Variants in NYAP2 observed in about 807,000 individuals in gnomAD.
NYAP2 encodes neuronal tyrosine-phosphorylated phosphoinositide-3-kinase adapter 2.
NYAP2 carries 23 observed loss-of-function variants against 50.4 expected under a neutral mutation model. The observed-to-expected ratio is 0.46, with a 90% CI of 0.33 to 0.65. The LOEUF is 0.65. Among genes scored for constraint, NYAP2 ranks in the 30% least tolerant of loss-of-function variants. The pLI is 0.02. For missense variants in NYAP2, 885 were observed against 861.0 expected, an observed-to-expected ratio of 1.03 and a Z score of -0.35; for synonymous variants, 394 against 365.2, an observed-to-expected ratio of 1.08 and a Z score of -0.90.
At chr2:225,679,596 G>C in the NYAP2 span, among the ~76,000 whole-genome samples, 1 of 140,848 alleles carries the variant, frequency 7.1e-6, no homozygotes, top group Non-Finnish European at 1.5e-5. Context: ...CCTGGTTCAA[G>C]CTATTCTCCT....
At chr2:225,502,886 C>G (rs1690631816) in intron 3 of NYAP2, among the ~76,000 whole-genome samples, 1 of 152,160 alleles carries the variant, frequency 6.6e-6, no homozygotes, top group Non-Finnish European at 1.5e-5. Flanking sequence ...CTGTTCTGTT[C>G]ACTGCCTGAC....
rs182891966 is a variant in NYAP2, at chr2:225,594,068, C to A, written c.1618+11033C>A. 5.3e-3 allele frequency among the ~76,000 whole-genome samples: 800 copies of A among 152,224 alleles called. 3 individuals carry two copies. Among genetic ancestry groups the A allele is most frequent in the Non-Finnish European group, 7.3e-3 (494 of 68,022 alleles). ...GGACCATTTTGTAAGGTCAAATCAT[C>A]ATCGGTTTCGGTACAAATGAATGAG... On this transcript the variant is annotated intron_variant, in intron 5 of 6. Transcript: ENST00000636099.
At chr2:225,663,930 C>T in the NYAP2 span, among the ~76,000 whole-genome samples, 39 of 152,228 alleles carry the variant, frequency 2.6e-4, 1 homozygote, top group South Asian at 8.1e-3. Flanking sequence ...AACACCCTCC[C>T]TAGTCCTTGA....
At chr2:225,511,572 C>A (rs1690819173) in intron 3 of NYAP2, among the ~76,000 whole-genome samples, 1 of 151,974 alleles carries the variant, frequency 6.6e-6, no homozygotes, top group Non-Finnish European at 1.5e-5. Context: ...GTCTGAGTAT[C>A]AGTTGAAAAT....
At chr2:225,579,035 C>T (rs553399613) in intron 4 of NYAP2, among the ~76,000 whole-genome samples, 17 of 152,046 alleles carry the variant, frequency 1.1e-4, no homozygotes, top group Admixed American at 8.5e-4. Context: ...TGCACGTGCA[C>T]GCACACACAC....
intron 4 of NYAP2, among the ~76,000 whole-genome samples, chr2:225,514,473 G>T (rs146127696): frequency 5.3e-4 from 81 of 152,266 alleles, no homozygotes; most frequent in African/African-American, 1.9e-3. Flanking sequence ...AGTTCTGGAG[G>T]CTGGAAGCCT....
At chr2:225,451,860 C>A (rs141313856) in intron 3 of NYAP2, among the ~76,000 whole-genome samples, 328 of 152,248 alleles carry the variant, frequency 2.2e-3, no homozygotes, top group African/African-American at 7.2e-3. Flanking sequence ...TCTTGAATTG[C>A]TTTATATTAA....
chr2:225,532,977 C>T (rs540410080), intron 4 of NYAP2, among the ~76,000 whole-genome samples: 1 of 152,166 alleles, frequency 6.6e-6, no homozygotes. Context: ...AGATTCTCTC[C>T]CTTAAAAGTC....
chr2:225,687,951 C>T, the NYAP2 span, among the ~76,000 whole-genome samples: 1 of 152,052 alleles, frequency 6.6e-6, no homozygotes, highest in African/African-American at 2.4e-5. Context: ...CACTAGGAAG[C>T]CTAATAAAAC....
intron 3 of NYAP2, among the ~76,000 whole-genome samples, chr2:225,492,239 A>G (rs1420062621): frequency 6.6e-6 from 1 of 152,228 alleles, no homozygotes; most frequent in Non-Finnish European, 1.5e-5. Flanking sequence ...TAACACTGTT[A>G]TAACCAAGCC....
At chr2:225,503,819 T>G (rs1014862080) in intron 3 of NYAP2, among the ~76,000 whole-genome samples, 3 of 152,198 alleles carry the variant, frequency 2.0e-5, no homozygotes, top group Admixed American at 2.0e-4. Context: ...TTCAATAGAT[T>G]TGTGCAACTC....
At chr2:225,572,796 G>A (rs73089058) in intron 4 of NYAP2, among the ~76,000 whole-genome samples, 1,726 of 152,272 alleles carry the variant, frequency 0.011, 44 homozygotes, top group African/African-American at 0.04. Flanking sequence ...GTCCACAACA[G>A]AGATCTGACA....
At chr2:225,561,693 G>A (rs1691876915) in intron 4 of NYAP2, among the ~76,000 whole-genome samples, 1 of 152,046 alleles carries the variant, frequency 6.6e-6, no homozygotes, top group African/African-American at 2.4e-5. Context: ...AGAGGCTTTA[G>A]CTGGAGCCCA....
intron 6 of NYAP2, among the ~76,000 whole-genome samples, chr2:225,628,696 A>T (rs770635358): frequency 6.6e-6 from 1 of 152,176 alleles, no homozygotes; most frequent in Non-Finnish European, 1.5e-5. Flanking sequence ...ATTGAGTCTT[A>T]TGATTAGTTT....
At chr2:225,511,794 A>T (rs1690823093) in intron 3 of NYAP2, among the ~76,000 whole-genome samples, 1 of 152,196 alleles carries the variant, frequency 6.6e-6, no homozygotes, top group South Asian at 2.1e-4. Context: ...ATCATAACAA[A>T]CATTGTAACG....
At chr2:225,689,824 A>G in the NYAP2 span, among the ~76,000 whole-genome samples, 17 of 152,138 alleles carry the variant, frequency 1.1e-4, no homozygotes, top group Non-Finnish European at 1.8e-4. Context: ...AGAGGTGCAT[A>G]TTATTTCAAA....
At chr2:225,513,087 T>C (rs192953132) in intron 3 of NYAP2, among the ~76,000 whole-genome samples, 1 of 152,256 alleles carries the variant, frequency 6.6e-6, no homozygotes. Flanking sequence ...GTCATGGAAT[T>C]CTTGTTTACA....
At chr2:225,587,726 C>T (rs1559223027) in intron 5 of NYAP2, among the ~76,000 whole-genome samples, 1 of 151,708 alleles carries the variant, frequency 6.6e-6, no homozygotes, top group Non-Finnish European at 1.5e-5. Context: ...GGGCAGAAGG[C>T]ATGGGGCATG....
chr2:225,614,860 T>C (rs1415718913), intron 5 of NYAP2, among the ~76,000 whole-genome samples: 1 of 152,228 alleles, frequency 6.6e-6, no homozygotes, highest in African/African-American at 2.4e-5. Flanking sequence ...CTCAGCAGTG[T>C]ACTGGAATAT....
Sources: gnomAD v4.1 joint callset for allele counts (sites outside exome capture counted in the v4.1 genomes callset) on GRCh38, gnomAD v4.1.1 for gene constraint, MANE v1.5 for transcripts, NCBI Gene and HGNC (gene_info 2026-07-23, HGNC 2026-07-21) for gene names.